Variants in VAV1 observed in about 807,000 individuals in gnomAD.
VAV1 encodes the protein vav guanine nucleotide exchange factor 1.
VAV1 carries 33 observed loss-of-function variants against 128.1 expected under a neutral mutation model. That is an observed-to-expected ratio of 0.26 (90% CI 0.20 to 0.34). The LOEUF (loss-of-function observed/expected upper bound fraction) is 0.34, where lower values mean the gene tolerates loss of function less well. Among genes scored for constraint, VAV1 ranks in the 10% least tolerant of loss-of-function variants. The pLI is 1.00. For synonymous variants in VAV1, 394 were observed against 409.8 expected, an observed-to-expected ratio of 0.96 and a Z score of 0.47; for missense variants, 715 against 1,093.7, an observed-to-expected ratio of 0.65 and a Z score of 4.88.
intron 1 of VAV1, 131 bp downstream of exon 1, chr19:6,773,142 GGCTGGCCC>G: frequency 8.2e-7 from 1 of 1,224,434 alleles, no homozygotes; most frequent in South Asian, 1.4e-5. Context: ...ACAGGTCCAG[GGCTGGCCC>G]AGGGGGTGGT....
chr19:6,803,436 G>C (rs376557105), intron 1 of VAV1, among the ~76,000 whole-genome samples: 2 of 152,182 alleles, frequency 1.3e-5, no homozygotes, highest in African/African-American at 4.8e-5. Flanking sequence ...TTATGGAAAG[G>C]TGCTTCTGCT....
At chr19:6,793,320 C>T (rs191419545) in intron 1 of VAV1, among the ~76,000 whole-genome samples, 55 of 151,278 alleles carry the variant, frequency 3.6e-4, no homozygotes, top group African/African-American at 1.0e-3. Context: ...GGTGACAGAG[C>T]GAGACTCCAT....
intron 14 of VAV1, among the ~76,000 whole-genome samples, chr19:6,831,552 T>C (rs1972055529): frequency 6.6e-6 from 1 of 152,192 alleles, no homozygotes; most frequent in Non-Finnish European, 1.5e-5. Flanking sequence ...GACCTCGTGA[T>C]CCGCCCACCT....
intron 22 of VAV1, among the ~76,000 whole-genome samples, chr19:6,845,029 A>T (rs1972483652): frequency 6.6e-6 from 1 of 152,084 alleles, no homozygotes; most frequent in Non-Finnish European, 1.5e-5. Context: ...CTTTGCATTC[A>T]TTAAAAAAAG....
chr19:6,784,206 A>G, intron 1 of VAV1: 1 of 647,928 alleles, frequency 1.5e-6, no homozygotes, highest in Non-Finnish European at 2.8e-6. Flanking sequence ...GTGAGCTATG[A>G]TTGTGCTACC....
At chr19:6,850,870 C>T in intron 24 of VAV1, 113 bp downstream of exon 24, 4 of 913,154 alleles carry the variant, frequency 4.4e-6, no homozygotes, top group Non-Finnish European at 5.1e-6. Flanking sequence ...CCTCCAGTGG[C>T]ACTACAGTGC....
At chr19:6,792,976 T>TG (rs35523506) in intron 1 of VAV1, among the ~76,000 whole-genome samples, 3 of 151,856 alleles carry the variant, frequency 2.0e-5, no homozygotes, top group Admixed American at 6.6e-5. Flanking sequence ...TCCAGTTGTG[T>TG]GGGGGGTCCA....
In VAV1 at chr19:6,820,654, C is replaced by T; in HGVS notation, c.205-48C>T. 1 of 1,557,050 alleles carries T rather than the reference C, an allele frequency of 6.4e-7. No individual in the cohort carries two copies. The highest frequency in any genetic ancestry group is 8.9e-7 in the Non-Finnish European group (1 of 1,128,710). On this transcript the variant is annotated intron_variant, in intron 1 of 26. Coordinates refer to ENST00000602142, the MANE Select transcript of VAV1 (RefSeq NM_005428.4). The surrounding 1 kb of genome is among the most constrained non-coding windows in gnomAD (Gnocchi z 4.4). Reference sequence around the variant, plus strand: ...TAGGTGGCCTGGGGGTCAGTTTCTCCCCTGCCCTTTCGTACTGCCCCACCC... The same window carrying T: ...TAGGTGGCCTGGGGGTCAGTTTCTCTCCTGCCCTTTCGTACTGCCCCACCC...
chr19:6,779,375 T>C (rs910644107), intron 1 of VAV1, among the ~76,000 whole-genome samples: 4 of 150,824 alleles, frequency 2.7e-5, no homozygotes, highest in African/African-American at 9.7e-5. Context: ...CTTATCTCCA[T>C]CCTCCCATAA....
intron 19 of VAV1, among the ~76,000 whole-genome samples, chr19:6,835,210 TAC>T (rs751197515): frequency 7.8e-4 from 56 of 72,178 alleles, no homozygotes; most frequent in African/African-American, 2.0e-3. Context: ...TATATATATA[TAC>T]ATACACACAC....
At chr19:6,836,329 T>G in intron 19 of VAV1, 103 bp from the exon 20 acceptor site, 2 of 1,417,172 alleles carry the variant, frequency 1.4e-6, no homozygotes, top group Admixed American at 4.8e-5. Flanking sequence ...CACTTAGTAT[T>G]GCCAGTCTAA....
At chr19:6,854,249 A>T (rs576342920) in intron 26 of VAV1, 151 bp downstream of exon 26, 1 of 1,008,788 alleles carries the variant, frequency 9.9e-7, no homozygotes, top group Non-Finnish European at 1.4e-6. Flanking sequence ...GATGTCATTT[A>T]TGCATTTATG....
chr19:6,848,126 C>G lies in VAV1; in HGVS notation c.2129+12C>G. 1 of 1,540,706 alleles carries G rather than the reference C, an allele frequency of 6.5e-7. No individual in the cohort carries two copies. Among genetic ancestry groups the G allele is most frequent in the South Asian group, 1.2e-5 (1 of 80,128 alleles). ...GCCATCAGCATTAAGTAACTCCTTT[C>G]TCCCTGACTCATACCCTTTTGGGGC... is the stretch of plus-strand genomic sequence containing the variant. On this transcript the variant is annotated intron_variant, in intron 23 of 26. Coordinates refer to ENST00000602142, the MANE Select transcript of VAV1 (RefSeq NM_005428.4).
intron 1 of VAV1, among the ~76,000 whole-genome samples, chr19:6,793,999 A>G (rs1971073031): frequency 6.6e-6 from 1 of 152,240 alleles, no homozygotes; most frequent in Admixed American, 6.5e-5. Context: ...ATCATTTATG[A>G]AAAATTGATA....
At position 6,822,317 on chromosome 19, in the gene VAV1, C is replaced by T. The variant is rs761222586; in HGVS notation, c.546C>T (p.Pro182=). Reference sequence around the variant, plus strand: ...ATGAGGACCTCATGCGCTCGGAGCCCGTGTCCATGCCGGTGCGTGACGTGG... The same window carrying T: ...ATGAGGACCTCATGCGCTCGGAGCCTGTGTCCATGCCGGTGCGTGACGTGG... The part of the protein sequence containing the change: ...EIYEDLMRSE[P]VSMPPKMTEY... Residue 182 remains proline (P), a synonymous_variant, in exon 5 of 27, where the codon CCC becomes CCT. Transcript: ENST00000602142. This position sits in a 1 kb window ranked among gnomAD's most constrained non-coding sequence, Gnocchi z 5.9. The T allele has an allele frequency of 3.7e-6, 5 of 1,362,366 alleles. No homozygotes were observed. The South Asian group carries it at 4.8e-5, about 13-fold the overall frequency. The allele number at this position is 1,362,366 out of a possible 1,614,324, so 84.4% of individuals were successfully genotyped here.
chr19:6,844,844 T>C (rs1290620028), intron 22 of VAV1, among the ~76,000 whole-genome samples: 1 of 151,598 alleles, frequency 6.6e-6, no homozygotes, highest in Non-Finnish European at 1.5e-5. Flanking sequence ...CATGTTTTAA[T>C]GCAACATTAA....
At chr19:6,832,915 C>T (rs1039158444) in intron 15 of VAV1, among the ~76,000 whole-genome samples, 2 of 152,158 alleles carry the variant, frequency 1.3e-5, no homozygotes, top group Non-Finnish European at 2.9e-5. Context: ...TTTTCATCAG[C>T]CCAAAGGAGA....
intron 1 of VAV1, among the ~76,000 whole-genome samples, chr19:6,789,573 CTTTCT>C (rs1367929770): frequency 2.1e-5 from 3 of 144,780 alleles, no homozygotes; most frequent in South Asian, 4.2e-4. Flanking sequence ...TTCTGTTCTG[CTTTCT>C]TTTCTTTTCT....
At chr19:6,840,678 C>T (rs1335678579) in intron 21 of VAV1, among the ~76,000 whole-genome samples, 1 of 151,084 alleles carries the variant, frequency 6.6e-6, no homozygotes, top group Non-Finnish European at 1.5e-5. Flanking sequence ...AATTATAACT[C>T]ACTGCAGACT....
Sources: allele counts gnomAD v4.1 joint callset (sites outside exome capture counted in the v4.1 genomes callset), GRCh38; gene constraint gnomAD v4.1.1; non-coding constraint Gnocchi (gnomAD v3.1); transcripts MANE v1.5; gene names NCBI Gene and HGNC (gene_info 2026-07-23, HGNC 2026-07-21).